STK39: variants seen among roughly 807,000 people sequenced by gnomAD.
STK39 encodes the protein serine/threonine kinase 39.
A neutral mutation model predicts 77.8 loss-of-function variants in STK39; 20 were observed. The ratio of observed to expected loss-of-function variants is 0.26; its 90% confidence interval spans 0.18 to 0.37. The LOEUF is 0.37. Among genes scored for constraint, STK39 ranks in the 10% least tolerant of loss-of-function variants. The probability of loss-of-function intolerance (pLI) is 1.00; values close to 1 mark genes in which losing one functional copy is unlikely to be tolerated. For synonymous variants in STK39, 246 were observed against 234.1 expected, an observed-to-expected ratio of 1.05 and a Z score of -0.47; for missense variants, 479 against 656.5, an observed-to-expected ratio of 0.73 and a Z score of 2.95.
intron 12 of STK39, among the ~76,000 whole-genome samples, chr2:168,073,693 A>G (rs1686001850): frequency 6.6e-6 from 1 of 152,086 alleles, no homozygotes; most frequent in South Asian, 2.1e-4. Context: ...CAGTGGCACA[A>G]TCTCAGCTCA....
intron 10 of STK39, among the ~76,000 whole-genome samples, chr2:168,082,353 T>A (rs959442843): frequency 6.6e-6 from 1 of 152,030 alleles, no homozygotes; most frequent in South Asian, 2.1e-4. Context: ...AGTCTCCAAT[T>A]GTGGCCCTCA....
At chr2:168,050,642 A>G (rs1685370767) in intron 14 of STK39, among the ~76,000 whole-genome samples, 1 of 152,160 alleles carries the variant, frequency 6.6e-6, no homozygotes, top group Non-Finnish European at 1.5e-5. Flanking sequence ...GGCTACCTCT[A>G]CAAGCTGGAA....
chr2:168,118,091 G>A (rs1341947046), intron 10 of STK39, among the ~76,000 whole-genome samples: 1 of 152,120 alleles, frequency 6.6e-6, no homozygotes, highest in East Asian at 1.9e-4. Context: ...ACCTACCGTA[G>A]GGAAGGTCAG....
In STK39 at chr2:168,128,166, C is replaced by A. The variant is rs1283266668; in HGVS notation, c.1089+1375G>T. Reference sequence around the variant, plus strand: ...GGATGGGATCAGATGACACTTCCAGCAAAAGAAGTGTGGGCCCAAAAATAA... The same window carrying A: ...GGATGGGATCAGATGACACTTCCAGAAAAAGAAGTGTGGGCCCAAAAATAA... On this transcript the variant is annotated intron_variant, in intron 10 of 17. Coordinates refer to ENST00000355999, the MANE Select transcript of STK39 (RefSeq NM_013233.3). Among the ~76,000 whole-genome samples, 4 of 152,024 alleles carry A rather than the reference C, an allele frequency of 2.6e-5. No individual in the cohort carries two copies. In the East Asian group the frequency reaches 7.7e-4, roughly 29 times the overall value.
At chr2:167,965,951 GA>G (rs1373377062) in intron 16 of STK39, among the ~76,000 whole-genome samples, 1 of 152,164 alleles carries the variant, frequency 6.6e-6, no homozygotes, top group Non-Finnish European at 1.5e-5. Context: ...ATCAGCTGCA[GA>G]GGAGAAAAAA....
intron 14 of STK39, among the ~76,000 whole-genome samples, chr2:168,055,154 GA>G (rs1451410355): frequency 6.6e-6 from 1 of 152,084 alleles, no homozygotes; most frequent in Non-Finnish European, 1.5e-5. Context: ...ACCTTTCAGG[GA>G]AAAAATTAAT....
At chr2:168,187,844 A>G (rs575617182) in intron 1 of STK39, among the ~76,000 whole-genome samples, 9 of 152,300 alleles carry the variant, frequency 5.9e-5, no homozygotes, top group African/African-American at 1.9e-4. Context: ...TAAGACGTCA[A>G]TTGTCCAGTA....
rs575471234 is a variant in STK39, at chr2:168,008,474, G to A, written c.1498+4160C>T. On this transcript the variant is annotated intron_variant, in intron 16 of 17. Coordinates refer to ENST00000355999, the MANE Select transcript of STK39 (RefSeq NM_013233.3). The stretch of plus-strand genomic sequence containing the variant: ...AGGGGCAGGCTGGGAAGAAACACCA[G>A]GGGCTGGATTTTGAAGCTGTGGATT... Among the ~76,000 whole-genome samples, 11 of 152,338 alleles carry A rather than the reference G, an allele frequency of 7.2e-5. No individual in the cohort carries two copies. In the East Asian group the frequency reaches 1.7e-3, roughly 24 times the overall value.
chr2:168,149,982 G>A (rs912497897), intron 5 of STK39, among the ~76,000 whole-genome samples: 1 of 152,154 alleles, frequency 6.6e-6, no homozygotes, highest in Non-Finnish European at 1.5e-5. Flanking sequence ...ATTCAAAGTG[G>A]GGTCCATAAA....
At chr2:168,110,236 G>A (rs1222597700) in intron 10 of STK39, among the ~76,000 whole-genome samples, 1 of 151,886 alleles carries the variant, frequency 6.6e-6, no homozygotes, top group South Asian at 2.1e-4. Context: ...ATTTATTTTT[G>A]TTTATTTATT....
At chr2:168,221,930 T>C (rs1397614651) in intron 1 of STK39, among the ~76,000 whole-genome samples, 2 of 152,170 alleles carry the variant, frequency 1.3e-5, no homozygotes, top group East Asian at 3.8e-4. Context: ...GAATAGACTC[T>C]CCACTCTTCC....
chr2:168,185,329 CT>C (rs1689181471), intron 1 of STK39, among the ~76,000 whole-genome samples: 2 of 152,182 alleles, frequency 1.3e-5, no homozygotes, highest in African/African-American at 4.8e-5. Flanking sequence ...GGCTTTAAAT[CT>C]TTTCAGTTCA....
chr2:168,110,044 C>G (rs140132561), intron 10 of STK39, among the ~76,000 whole-genome samples: 2 of 152,186 alleles, frequency 1.3e-5, no homozygotes, highest in South Asian at 4.2e-4. Flanking sequence ...AATTTCAATG[C>G]GTGTCACTTT....
chr2:168,108,337 C>T (rs1016267718), intron 10 of STK39, among the ~76,000 whole-genome samples: 3 of 151,986 alleles, frequency 2.0e-5, no homozygotes, highest in Admixed American at 6.6e-5. Context: ...CGCTTGAGCC[C>T]GGGAGTTCAA....
At chr2:168,208,192 T>C (rs1574556365) in intron 1 of STK39, among the ~76,000 whole-genome samples, 1 of 152,288 alleles carries the variant, frequency 6.6e-6, no homozygotes, top group East Asian at 1.9e-4. Flanking sequence ...TCTCTCCTAA[T>C]CCCATTGAGA....
At chr2:168,208,657 A>C (rs547816261) in intron 1 of STK39, among the ~76,000 whole-genome samples, 1 of 152,338 alleles carries the variant, frequency 6.6e-6, no homozygotes, top group South Asian at 2.1e-4. Flanking sequence ...AGGGCTTACA[A>C]ATGTCTCCTT....
At chr2:168,230,462 C>T (rs774974333) in intron 1 of STK39, among the ~76,000 whole-genome samples, 17 of 152,168 alleles carry the variant, frequency 1.1e-4, no homozygotes, top group South Asian at 2.1e-4. Context: ...ACCCAACACG[C>T]GAGCGAGACC....
intron 5 of STK39, among the ~76,000 whole-genome samples, chr2:168,146,820 C>T (rs1244987739): frequency 6.6e-6 from 1 of 152,042 alleles, no homozygotes; most frequent in Non-Finnish European, 1.5e-5. Context: ...TCAACAGAGC[C>T]TGTATATGAA....
chr2:168,160,949 T>A (rs1421151755), intron 5 of STK39, among the ~76,000 whole-genome samples: 3 of 90,272 alleles, frequency 3.3e-5, no homozygotes, highest in African/African-American at 9.5e-5. Context: ...GGGGTGGGGG[T>A]GGGGGGCAGC....
Sources: gnomAD v4.1 joint callset for allele counts (sites outside exome capture counted in the v4.1 genomes callset) on GRCh38, gnomAD v4.1.1 for gene constraint, MANE v1.5 for transcripts, NCBI Gene and HGNC (gene_info 2026-07-23, HGNC 2026-07-21) for gene names.